PAMR1: variants seen among roughly 807,000 people sequenced by gnomAD.
PAMR1 encodes inactive serine protease PAMR1.
PAMR1 carries 88 observed loss-of-function variants against 81.8 expected under a neutral mutation model. That is an observed-to-expected ratio of 1.08 (90% CI 0.91 to 1.28). The LOEUF (loss-of-function observed/expected upper bound fraction) is 1.28. PAMR1 is among the 50% of genes most tolerant of loss of function. PAMR1 has a pLI of 0.00. For synonymous variants in PAMR1, 336 were observed against 345.3 expected, an observed-to-expected ratio of 0.97 and a Z score of 0.30; for missense variants, 935 against 919.7, an observed-to-expected ratio of 1.02 and a Z score of -0.21.
intron 1 of PAMR1, among the ~76,000 whole-genome samples, chr11:35,509,983 C>T (rs1443031170): frequency 2.6e-5 from 4 of 152,228 alleles, no homozygotes; most frequent in East Asian, 1.9e-4. Context: ...AGACCCCACA[C>T]TGGGATAAAC....
chr11:35,447,397 G>A (rs1856318858), intron 6 of PAMR1, among the ~76,000 whole-genome samples: 1 of 151,958 alleles, frequency 6.6e-6, no homozygotes, highest in Admixed American at 6.6e-5. Flanking sequence ...GTGGAGACAG[G>A]GTTTCGCCAT....
intron 6 of PAMR1, 75 bp downstream of exon 6, chr11:35,467,926 G>A (rs1856784198): frequency 2.4e-6 from 2 of 831,698 alleles, no homozygotes; most frequent in Non-Finnish European, 4.0e-6. Context: ...GAAAGAGTTG[G>A]CCCTGCAAGC....
chr11:35,444,974 G>A (rs1329866816), intron 6 of PAMR1, among the ~76,000 whole-genome samples: 20 of 152,060 alleles, frequency 1.3e-4, no homozygotes, highest in South Asian at 6.2e-4. Flanking sequence ...ATCCATGAGC[G>A]TGGAATGTTT....
chr11:35,464,552 AC>A (rs1315312395), intron 6 of PAMR1, among the ~76,000 whole-genome samples: 1 of 152,190 alleles, frequency 6.6e-6, no homozygotes, highest in Admixed American at 6.5e-5. Context: ...TACAATTATC[AC>A]AGCCAACACT....
At chr11:35,439,531 A>G in intron 8 of PAMR1, 96 bp downstream of exon 8, 1 of 1,020,558 alleles carries the variant, frequency 9.8e-7, no homozygotes, top group Non-Finnish European at 1.6e-6. Flanking sequence ...AGAAACCTCA[A>G]ACTGACTATC....
At chr11:35,438,641 T>A (rs994638369) in intron 8 of PAMR1, among the ~76,000 whole-genome samples, 9 of 152,226 alleles carry the variant, frequency 5.9e-5, no homozygotes, top group Admixed American at 5.9e-4. Context: ...ACTTTCAGCA[T>A]GAACAAAACA....
chr11:35,491,410 A>T (rs940364404), intron 3 of PAMR1, among the ~76,000 whole-genome samples: 1 of 152,238 alleles, frequency 6.6e-6, no homozygotes, highest in Non-Finnish European at 1.5e-5. Flanking sequence ...AAGTTAGTGA[A>T]ATAAAAGCAA....
At chr11:35,474,896 C>G (rs1850258954) in intron 3 of PAMR1, 152 bp from the exon 4 acceptor site, 1 of 595,620 alleles carries the variant, frequency 1.7e-6, no homozygotes, top group Non-Finnish European at 2.9e-6. Flanking sequence ...TCTCAAGCAG[C>G]TGGCAATGTG....
intron 8 of PAMR1, among the ~76,000 whole-genome samples, chr11:35,437,803 C>G (rs970567191): frequency 6.6e-6 from 1 of 152,308 alleles, no homozygotes; most frequent in Non-Finnish European, 1.5e-5. Context: ...TTGGGAAGAA[C>G]AGGTTGATCC....
intron 8 of PAMR1, among the ~76,000 whole-genome samples, chr11:35,437,754 T>C (rs1856082770): frequency 6.6e-6 from 1 of 152,264 alleles, no homozygotes; most frequent in Non-Finnish European, 1.5e-5. Context: ...CCCAGTAGTC[T>C]TTCTGAATAG....
rs949865868 is a variant in PAMR1, at chr11:35,489,542, C to T, written c.379+2503G>A. Among the ~76,000 whole-genome samples, 7 of 152,322 alleles carry T rather than the reference C, an allele frequency of 4.6e-5. No individual in the cohort carries two copies. In the South Asian group the frequency reaches 1.5e-3, roughly 32 times the overall value. On this transcript the variant is annotated intron_variant, in intron 3 of 10. Transcript: ENST00000619888. ...CAAGAGTTATCTGTCAAATGGTACTCCCCAGATTAAACCATCCTTCATCTC... is the reference window on the plus strand; with the variant it reads ...CAAGAGTTATCTGTCAAATGGTACTTCCCAGATTAAACCATCCTTCATCTC...
At chr11:35,481,554 G>A (rs1196375984) in intron 3 of PAMR1, among the ~76,000 whole-genome samples, 1 of 151,556 alleles carries the variant, frequency 6.6e-6, no homozygotes, top group Non-Finnish European at 1.5e-5. Context: ...ACAGATTCTT[G>A]CTCCGTTGCC....
chr11:35,436,057 G>T lies in PAMR1; in HGVS notation c.1179C>A (p.Ala393=), dbSNP rs751549041. 1.2e-6 allele frequency: 2 copies of T among 1,614,004 alleles called. No individual in the cohort carries two copies. The highest frequency in any genetic ancestry group is 4.5e-5 in the East Asian group (2 of 44,878). Reference sequence around the variant, plus strand: ...CCATGGGCAGATCTCCAAAGGGAAGGGCTGGCTTCTTGGTAGGGGCACTCT... The same window carrying T: ...CCATGGGCAGATCTCCAAAGGGAAGTGCTGGCTTCTTGGTAGGGGCACTCT... ...KLQSAPTKKP[A]LPFGDLPMGY... is the part of the protein sequence containing the mutation. The change falls in exon 9 of 11, where the codon GCC becomes GCA. Residue 393 remains alanine, a synonymous_variant. Coordinates refer to ENST00000619888, the MANE Select transcript of PAMR1 (RefSeq NM_001001991.3).
At chr11:35,514,009 C>T (rs1473590558) in intron 1 of PAMR1, among the ~76,000 whole-genome samples, 2 of 152,162 alleles carry the variant, frequency 1.3e-5, no homozygotes, top group African/African-American at 4.8e-5. Flanking sequence ...AGATAATAAT[C>T]CTGACTTCTT....
At chr11:35,508,365 C>T (rs1476870512) in intron 1 of PAMR1, among the ~76,000 whole-genome samples, 1 of 152,046 alleles carries the variant, frequency 6.6e-6, no homozygotes, top group Non-Finnish European at 1.5e-5. Flanking sequence ...TTTTTCACTT[C>T]TCTGTGGCCC....
chr11:35,519,009 C>T (rs917949713), intron 1 of PAMR1, among the ~76,000 whole-genome samples: 2 of 152,176 alleles, frequency 1.3e-5, no homozygotes, highest in African/African-American at 4.8e-5. Context: ...AAACCACTAA[C>T]TCAACCCTCT....
chr11:35,443,757 T>C (rs1276621829), intron 6 of PAMR1, among the ~76,000 whole-genome samples: 5 of 152,242 alleles, frequency 3.3e-5, no homozygotes, highest in Non-Finnish European at 7.3e-5. Context: ...GTATTTCTGG[T>C]GCTAGATCTT....
chr11:35,477,507 C>T (rs1406968297), intron 3 of PAMR1, among the ~76,000 whole-genome samples: 1 of 152,178 alleles, frequency 6.6e-6, no homozygotes, highest in Non-Finnish European at 1.5e-5. Flanking sequence ...TCTGACTGCC[C>T]TTGGTTTGAA....
At chr11:35,507,888 C>A (rs631981) in intron 1 of PAMR1, among the ~76,000 whole-genome samples, 2 of 150,786 alleles carry the variant, frequency 1.3e-5, no homozygotes, top group Non-Finnish European at 2.9e-5. Flanking sequence ...AGTAAACAAA[C>A]AGAAAACTGC....
Sources: gnomAD v4.1 joint callset for allele counts (sites outside exome capture counted in the v4.1 genomes callset) on GRCh38, gnomAD v4.1.1 for gene constraint, MANE v1.5 for transcripts, NCBI Gene and HGNC (gene_info 2026-07-23, HGNC 2026-07-21) for gene names.